Variants in TASP1 observed in about 807,000 individuals in gnomAD.
The protein encoded by TASP1 is threonine aspartase 1.
TASP1 carries 16 observed loss-of-function variants against 56.6 expected under a neutral mutation model. The ratio of observed to expected loss-of-function variants is 0.28; its 90% CI spans 0.19 to 0.43. The LOEUF (loss-of-function observed/expected upper bound fraction) is 0.43, where lower values mean the gene tolerates loss of function less well. TASP1 is among the 20% of genes least tolerant of loss of function. TASP1 has a pLI of 1.00. For missense variants in TASP1, 393 were observed against 511.6 expected (o/e 0.77, Z 2.24); for synonymous variants, 179 against 184.2 (o/e 0.97, Z 0.23).
chr20:13,204,369 G>A, the TASP1 span, among the ~76,000 whole-genome samples: 11 of 152,132 alleles, frequency 7.2e-5, no homozygotes, highest in African/African-American at 2.4e-4. Flanking sequence ...ATCCCTTGTT[G>A]GAGTTGTGTC....
At position 13,390,289 on chromosome 20, in the gene TASP1, C is replaced by T; in HGVS notation, c.*71G>A. 1 of 1,380,992 alleles carries T rather than the reference C, an allele frequency of 7.2e-7. No individual in the cohort carries two copies. Among genetic ancestry groups the T allele is most frequent in the South Asian group, 1.2e-5 (1 of 82,128 alleles). The allele number at this position is 1,380,992 out of a possible 1,614,324, so 85.5% of individuals were successfully genotyped here. On this transcript the variant is annotated 3_prime_UTR_variant, in exon 14 of 14. Coordinates refer to ENST00000337743, the MANE Select transcript of TASP1 (RefSeq NM_017714.3). Reference sequence around the variant, plus strand: ...AAAACAAGAAAGATAAAACAACCAACTTCAGTTAAAAACCCCCAAAAGCTC... The same window carrying T: ...AAAACAAGAAAGATAAAACAACCAATTTCAGTTAAAAACCCCCAAAAGCTC...
chr20:13,521,645 G>C (rs183078905), intron 10 of TASP1, among the ~76,000 whole-genome samples: 3 of 140,828 alleles, frequency 2.1e-5, no homozygotes, highest in East Asian at 2.4e-4. Flanking sequence ...GGTGGGGGAG[G>C]GGGGAGGGAT....
intron 10 of TASP1, among the ~76,000 whole-genome samples, chr20:13,496,933 T>C (rs1172918581): frequency 3.9e-5 from 6 of 152,168 alleles, no homozygotes; most frequent in Non-Finnish European, 8.8e-5. Flanking sequence ...TCTCTTCTAT[T>C]CCTAAGGAAG....
At chr20:13,382,388 T>C in the TASP1 span, among the ~76,000 whole-genome samples, 1 of 152,238 alleles carries the variant, frequency 6.6e-6, no homozygotes, top group African/African-American at 2.4e-5. Flanking sequence ...GGCTCACACC[T>C]GTAATCCTAG....
chr20:13,111,966 C>A, the TASP1 span, among the ~76,000 whole-genome samples: 2 of 152,182 alleles, frequency 1.3e-5, no homozygotes, highest in Non-Finnish European at 2.9e-5. Context: ...CCCACCACTT[C>A]AGAAGGACAA....
At chr20:13,530,869 C>A (rs2045193420) in intron 9 of TASP1, among the ~76,000 whole-genome samples, 1 of 152,140 alleles carries the variant, frequency 6.6e-6, no homozygotes, top group Non-Finnish European at 1.5e-5. Flanking sequence ...TTAAGCAAGC[C>A]TTTAAAAACA....
At chr20:13,164,963 G>A in the TASP1 span, 1 of 1,079,812 alleles carries the variant, frequency 9.3e-7, no homozygotes, top group Non-Finnish European at 1.3e-6. Flanking sequence ...CCTTCCTCAG[G>A]ACAATTTTGG....
chr20:13,385,295 T>C (rs754901193), downstream of TASP1, among the ~76,000 whole-genome samples: 2 of 152,248 alleles, frequency 1.3e-5, no homozygotes, highest in Non-Finnish European at 2.9e-5. Flanking sequence ...CAGTCCTTGA[T>C]GAACTGTTGC....
At chr20:13,635,510 C>T (rs1320756673) in intron 1 of TASP1, among the ~76,000 whole-genome samples, 1 of 151,704 alleles carries the variant, frequency 6.6e-6, no homozygotes, top group Non-Finnish European at 1.5e-5. Context: ...GCCTCAGCCT[C>T]CTGAGTGGCC....
the TASP1 span, among the ~76,000 whole-genome samples, chr20:13,125,351 T>A: frequency 6.6e-6 from 1 of 152,124 alleles, no homozygotes; most frequent in South Asian, 2.1e-4. Context: ...TTCCAATAGT[T>A]CTCTGCTGCC....
At chr20:13,167,153 T>C in the TASP1 span, 1 of 152,194 alleles carries the variant, frequency 6.6e-6, no homozygotes, top group East Asian at 1.9e-4. Context: ...GTATATGTCA[T>C]ATAGAATAAG....
intron 11 of TASP1, among the ~76,000 whole-genome samples, chr20:13,465,412 T>C (rs1312982848): frequency 6.6e-6 from 1 of 152,096 alleles, no homozygotes; most frequent in Non-Finnish European, 1.5e-5. Flanking sequence ...AAAACAACTC[T>C]GTGGTTCCTT....
chr20:13,225,573 A>C, the TASP1 span, among the ~76,000 whole-genome samples: 1 of 152,194 alleles, frequency 6.6e-6, no homozygotes, highest in Admixed American at 6.5e-5. Flanking sequence ...TAGTGTGCTC[A>C]AAACATTAAT....
chr20:13,184,877 C>T, the TASP1 span, among the ~76,000 whole-genome samples: 21 of 152,188 alleles, frequency 1.4e-4, no homozygotes, highest in East Asian at 1.9e-4. Flanking sequence ...CCCACAGACA[C>T]GAGTGAGAAA....
At chr20:13,341,358 T>C in the TASP1 span, among the ~76,000 whole-genome samples, 1 of 152,228 alleles carries the variant, frequency 6.6e-6, no homozygotes, top group Admixed American at 6.5e-5. Flanking sequence ...ATCCTAATAG[T>C]TAAGAACATG....
At chr20:13,212,490 G>GT in the TASP1 span, among the ~76,000 whole-genome samples, 610 of 152,008 alleles carry the variant, frequency 4.0e-3, 3 homozygotes, top group African/African-American at 0.014. Flanking sequence ...TTACCATCAC[G>GT]TTGTTAACTC....
intron 1 of TASP1, among the ~76,000 whole-genome samples, chr20:13,634,531 A>G (rs1004561295): frequency 2.0e-5 from 3 of 152,150 alleles, no homozygotes; most frequent in African/African-American, 7.2e-5. Context: ...GAAGTTTGAG[A>G]CAAGCCTGGC....
At chr20:13,299,058 TACAGCACGGCCG>T in the TASP1 span, 1 of 1,613,796 alleles carries the variant, frequency 6.2e-7, no homozygotes, top group Non-Finnish European at 8.5e-7. This position sits in a 1 kb window ranked among gnomAD's most constrained non-coding sequence, Gnocchi z 5.8. Context: ...TGAGGTGGCC[TACAGCACGGCCG>T]ACATCTTCGA....
chr20:13,588,317 A>AAAGGAAGGAAGG lies in TASP1; in HGVS notation c.283-959_283-948dup, dbSNP rs147823593. On this transcript the variant is annotated intron_variant, in intron 4 of 13. Coordinates refer to ENST00000337743, the MANE Select transcript of TASP1 (RefSeq NM_017714.3). Reference sequence around the variant, plus strand: ...AGGAAGGAAGGAAGGAAGAGAAAGAAAAGGAAGGAAGGAAGGAAGGAAGGA... The same window carrying AAAGGAAGGAAGG: ...AGGAAGGAAGGAAGGAAGAGAAAGAAAAGGAAGGAAGGAAGGAAGGAAGGAAGGAAGGAAGGA... 6.0e-4 allele frequency among the ~76,000 whole-genome samples: 68 copies of AAAGGAAGGAAGG among 113,800 alleles called. 1 individual carries two copies. The highest frequency in any genetic ancestry group is 5.5e-3 in the Middle Eastern group (1 of 182). 74.7% of individuals were successfully genotyped at this position (113,800 alleles called of 152,430 possible). A position where few individuals can be genotyped will look rare whatever the true frequency, so the allele number is the denominator to read the frequency against.
Sources: gnomAD v4.1 joint callset for allele counts (sites outside exome capture counted in the v4.1 genomes callset) on GRCh38, gnomAD v4.1.1 for gene constraint, Gnocchi (gnomAD v3.1) non-coding constraint, MANE v1.5 for transcripts, NCBI Gene and HGNC (gene_info 2026-07-23, HGNC 2026-07-21) for gene names.